SLC8A3: variants seen among roughly 807,000 people sequenced by gnomAD.
SLC8A3 encodes the protein sodium/calcium exchanger 3.
Under a neutral mutation model 65.4 loss-of-function variants are expected in SLC8A3, and 37 were observed. The observed-to-expected ratio is 0.57, with a 90% confidence interval of 0.44 to 0.74. The LOEUF is 0.74. SLC8A3 is among the 30% of genes least tolerant of loss of function. The probability of loss-of-function intolerance (pLI) is 0.00; values close to 1 mark genes in which losing one functional copy is unlikely to be tolerated. For synonymous variants in SLC8A3, 461 were observed against 444.5 expected, an observed-to-expected ratio of 1.04 and a Z score of -0.47; for missense variants, 1,112 against 1,172.1, an observed-to-expected ratio of 0.95 and a Z score of 0.75.
chr14:70,082,302 T>A (rs1891108650), intron 2 of SLC8A3, among the ~76,000 whole-genome samples: 1 of 152,226 alleles, frequency 6.6e-6, no homozygotes, highest in South Asian at 2.1e-4. Flanking sequence ...TGACCCTACT[T>A]AGCTGAAGCT....
intron 3 of SLC8A3, chr14:70,059,314 G>A (rs17175297): frequency 0.089 from 13,504 of 152,214 alleles, 644 homozygotes; most frequent in Non-Finnish European, 0.12. Context: ...CTCTGTCCTC[G>A]TGTGGAAAGT....
intron 2 of SLC8A3, among the ~76,000 whole-genome samples, chr14:70,116,118 A>G (rs891065388): frequency 6.6e-6 from 1 of 152,138 alleles, no homozygotes; most frequent in Non-Finnish European, 1.5e-5. Flanking sequence ...GTAGTGCTGA[A>G]AGCTCAGAGA....
intron 2 of SLC8A3, among the ~76,000 whole-genome samples, chr14:70,083,431 C>G (rs1891204541): frequency 6.6e-6 from 1 of 152,130 alleles, no homozygotes; most frequent in South Asian, 2.1e-4. Context: ...AAAACAAAAT[C>G]CTGTTGGGGA....
chr14:70,071,640 C>A (rs921978468), intron 2 of SLC8A3, among the ~76,000 whole-genome samples: 1 of 152,168 alleles, frequency 6.6e-6, no homozygotes, highest in Non-Finnish European at 1.5e-5. Flanking sequence ...AAGATCCCAG[C>A]CTGGCCAACA....
intron 2 of SLC8A3, among the ~76,000 whole-genome samples, chr14:70,121,962 T>C (rs894726835): frequency 6.6e-6 from 1 of 152,184 alleles, no homozygotes. Context: ...AAAAGGGCCA[T>C]GGCCCAATAT....
intron 2 of SLC8A3, among the ~76,000 whole-genome samples, chr14:70,141,167 G>A (rs985725949): frequency 6.6e-6 from 1 of 152,192 alleles, no homozygotes; most frequent in Non-Finnish European, 1.5e-5. Context: ...CCTTCCATCA[G>A]TCCTGGCTAA....
intron 2 of SLC8A3, among the ~76,000 whole-genome samples, chr14:70,143,559 G>A (rs1258027357): frequency 6.6e-6 from 1 of 151,990 alleles, no homozygotes; most frequent in Non-Finnish European, 1.5e-5. Flanking sequence ...TGATATCCCA[G>A]CCCCACGTCA....
chr14:70,054,835 G>A (rs1887906651), intron 3 of SLC8A3, among the ~76,000 whole-genome samples: 1 of 152,266 alleles, frequency 6.6e-6, no homozygotes, highest in South Asian at 2.1e-4. Flanking sequence ...GATGTAGCCT[G>A]TAGGTGACTT....
At chr14:70,080,335 T>C (rs1890947676) in intron 2 of SLC8A3, 1 of 656,348 alleles carries the variant, frequency 1.5e-6, no homozygotes, top group Non-Finnish European at 1.9e-6. Context: ...ATCGGTGGCC[T>C]TGGCTGTGGA....
chr14:70,071,914 C>T (rs143248066), intron 2 of SLC8A3, among the ~76,000 whole-genome samples: 1 of 152,136 alleles, frequency 6.6e-6, no homozygotes, highest in Non-Finnish European at 1.5e-5. Flanking sequence ...CGTGTGAGAA[C>T]GTGCACAGAC....
chr14:70,088,082 A>T (rs1891560011), intron 2 of SLC8A3, among the ~76,000 whole-genome samples: 1 of 152,224 alleles, frequency 6.6e-6, no homozygotes, highest in Non-Finnish European at 1.5e-5. Context: ...TGAGAATACA[A>T]AAGATTCAGG....
chr14:70,131,871 G>C (rs1425049498), intron 2 of SLC8A3, among the ~76,000 whole-genome samples: 1 of 152,222 alleles, frequency 6.6e-6, no homozygotes, highest in Admixed American at 6.5e-5. Flanking sequence ...CAAGAGGACA[G>C]ATAAGACAGG....
intron 2 of SLC8A3, among the ~76,000 whole-genome samples, chr14:70,152,472 C>T (rs1896329344): frequency 6.6e-6 from 1 of 150,616 alleles, no homozygotes; most frequent in African/African-American, 2.5e-5. Context: ...CCCCACAAGA[C>T]AACATAGAAA....
chr14:70,121,864 T>C (rs932527185), intron 2 of SLC8A3, among the ~76,000 whole-genome samples: 13 of 152,164 alleles, frequency 8.5e-5, no homozygotes, highest in Admixed American at 2.6e-4. Flanking sequence ...AACAATTCTG[T>C]CAGCTCCTTT....
At chr14:70,091,224 T>C (rs921301768) in intron 2 of SLC8A3, among the ~76,000 whole-genome samples, 1 of 152,234 alleles carries the variant, frequency 6.6e-6, no homozygotes, top group Non-Finnish European at 1.5e-5. Flanking sequence ...CTCATTTTAT[T>C]ATGGGATTTA....
chr14:70,180,221 C>G lies in SLC8A3; in HGVS notation c.-63+8158G>C, dbSNP rs1397450433. ...CTCCTTTATGTACATATTTCTCAGG[C>G]TATTCTCCAGAAGCCAGATGTATTT... On this transcript the variant is annotated intron_variant, in intron 1 of 6. Coordinates refer to ENST00000356921, the MANE Select transcript of SLC8A3 (RefSeq NM_182932.3). 1.8e-4 allele frequency among the ~76,000 whole-genome samples: 27 copies of G among 152,186 alleles called. 1 individual carries two copies. Among genetic ancestry groups the G allele is most frequent in the Admixed American group, 1.8e-3 (27 of 15,282 alleles).
chr14:70,098,595 C>A (rs1279485782), intron 2 of SLC8A3, among the ~76,000 whole-genome samples: 1 of 152,182 alleles, frequency 6.6e-6, no homozygotes. Flanking sequence ...GCAGCGCTTT[C>A]TGGAAGGGGT....
At chr14:70,061,955 G>A (rs1888847032) in intron 2 of SLC8A3, among the ~76,000 whole-genome samples, 1 of 152,124 alleles carries the variant, frequency 6.6e-6, no homozygotes, top group Non-Finnish European at 1.5e-5. Context: ...GCCCTCCAAA[G>A]ACTGGCTCTT....
chr14:70,101,288 C>G (rs144942716), intron 2 of SLC8A3, among the ~76,000 whole-genome samples: 10 of 152,232 alleles, frequency 6.6e-5, no homozygotes, highest in African/African-American at 2.4e-4. Context: ...TATAGACTGA[C>G]TGAACCAGGA....
Sources: gnomAD v4.1 joint callset for allele counts (sites outside exome capture counted in the v4.1 genomes callset) on GRCh38, gnomAD v4.1.1 for gene constraint, MANE v1.5 for transcripts, NCBI Gene and HGNC (gene_info 2026-07-23, HGNC 2026-07-21) for gene names.